CCDC178: variants seen among roughly 807,000 people sequenced by gnomAD.
CCDC178 encodes coiled-coil domain-containing protein 178.
In CCDC178, 126 loss-of-function variants were observed where a neutral mutation model predicts 117.4. The observed-to-expected ratio is 1.07, with a 90% confidence interval of 0.93 to 1.24. The LOEUF is 1.24. Ranked by LOEUF, CCDC178 falls within the 50% of genes most tolerant of loss-of-function variation. CCDC178 has a pLI of 0.00. For synonymous variants in CCDC178, 283 were observed against 313.4 expected, an observed-to-expected ratio of 0.90 and a Z score of 1.02; for missense variants, 1,030 against 986.9, an observed-to-expected ratio of 1.04 and a Z score of -0.59.
At chr18:33,084,987 C>G (rs968880093) in intron 21 of CCDC178, among the ~76,000 whole-genome samples, 2 of 152,014 alleles carry the variant, frequency 1.3e-5, no homozygotes, top group African/African-American at 4.8e-5. Flanking sequence ...TTCCTTCATT[C>G]CTTAGGGCCT....
At chr18:33,350,297 TCATAA>T (rs2062958185) in intron 7 of CCDC178, among the ~76,000 whole-genome samples, 1 of 152,116 alleles carries the variant, frequency 6.6e-6, no homozygotes, top group African/African-American at 2.4e-5. Context: ...AGCCAAAGTC[TCATAA>T]CATATTAAAC....
At chr18:33,414,738 G>C (rs1176153099) in intron 2 of CCDC178, among the ~76,000 whole-genome samples, 2 of 152,194 alleles carry the variant, frequency 1.3e-5, no homozygotes, top group African/African-American at 4.8e-5. Context: ...CACAGCAAAA[G>C]AAACTACCAT....
chr18:33,174,392 C>T (rs2058639441), intron 20 of CCDC178, among the ~76,000 whole-genome samples: 1 of 152,184 alleles, frequency 6.6e-6, no homozygotes, highest in African/African-American at 2.4e-5. Context: ...AGATCCACCA[C>T]ATTCAAAGTT....
intron 21 of CCDC178, among the ~76,000 whole-genome samples, chr18:33,031,416 A>G (rs938183734): frequency 6.6e-6 from 1 of 151,774 alleles, no homozygotes; most frequent in African/African-American, 2.4e-5. Flanking sequence ...CAGCTGCTAG[A>G]TTTATTTTCT....
chr18:33,272,349 C>A (rs2059901328), intron 12 of CCDC178, among the ~76,000 whole-genome samples: 1 of 151,408 alleles, frequency 6.6e-6, no homozygotes, highest in African/African-American at 2.4e-5. Flanking sequence ...AAAACTTACT[C>A]AAGAAGAAAC....
intron 5 of CCDC178, among the ~76,000 whole-genome samples, chr18:33,375,209 C>T (rs1599239310): frequency 1.3e-5 from 2 of 152,304 alleles, no homozygotes; most frequent in East Asian, 1.9e-4. Flanking sequence ...ACTTTTTATA[C>T]TAAAAAACAT....
At chr18:33,351,337 C>T (rs1385386098) in intron 7 of CCDC178, among the ~76,000 whole-genome samples, 4 of 151,936 alleles carry the variant, frequency 2.6e-5, no homozygotes, top group East Asian at 3.9e-4. Flanking sequence ...GGATTACAGG[C>T]GCCCGCCATC....
intron 21 of CCDC178, among the ~76,000 whole-genome samples, chr18:33,055,203 C>T (rs1254746276): frequency 6.6e-6 from 1 of 152,048 alleles, no homozygotes; most frequent in Non-Finnish European, 1.5e-5. Flanking sequence ...AAACAATTTT[C>T]TCTCATTTTG....
chr18:33,122,821 C>T (rs1240116953), intron 20 of CCDC178, among the ~76,000 whole-genome samples: 9 of 152,088 alleles, frequency 5.9e-5, no homozygotes, highest in Admixed American at 3.9e-4. Flanking sequence ...ATTGCTTTTA[C>T]GTGACTTATC....
chr18:33,041,523 A>G (rs2056549421), intron 21 of CCDC178, among the ~76,000 whole-genome samples: 1 of 151,156 alleles, frequency 6.6e-6, no homozygotes. Context: ...AAAAAGAACC[A>G]AAGTTACTAA....
At chr18:33,073,537 ATCTATCTATCTATC>A (rs1567971323) in intron 21 of CCDC178, among the ~76,000 whole-genome samples, 4 of 149,632 alleles carry the variant, frequency 2.7e-5, no homozygotes, top group Admixed American at 1.3e-4. Context: ...CTATCTATCT[ATCTATCTATCTATC>A]TATATATATA....
At chr18:33,189,465 T>C (rs2058832624) in intron 20 of CCDC178, among the ~76,000 whole-genome samples, 1 of 152,178 alleles carries the variant, frequency 6.6e-6, no homozygotes, top group African/African-American at 2.4e-5. Flanking sequence ...GTTATTTTTG[T>C]CCCATCTACT....
At chr18:33,260,431 A>G (rs926375058) in intron 14 of CCDC178, among the ~76,000 whole-genome samples, 2 of 150,644 alleles carry the variant, frequency 1.3e-5, no homozygotes, top group African/African-American at 4.9e-5. Flanking sequence ...ATTTTTAATT[A>G]TTTTTGTTAT....
intron 20 of CCDC178, among the ~76,000 whole-genome samples, chr18:33,210,442 T>G (rs905315898): frequency 1.3e-5 from 2 of 152,038 alleles, no homozygotes; most frequent in Non-Finnish European, 2.9e-5. Flanking sequence ...GAGGATGTTT[T>G]ATTCATCTCT....
intron 22 of CCDC178, among the ~76,000 whole-genome samples, chr18:32,972,340 T>G (rs7231536): frequency 0.97 from 147,263 of 152,174 alleles, 71,317 homozygotes; most frequent in Non-Finnish European, 0.99. Flanking sequence ...GATGTGTGGT[T>G]TTATTTCTGA....
chr18:33,038,098 C>A (rs533506805), intron 21 of CCDC178, among the ~76,000 whole-genome samples: 1 of 152,004 alleles, frequency 6.6e-6, no homozygotes, highest in East Asian at 1.9e-4. Flanking sequence ...ATTTTACATA[C>A]ATACAAGCAT....
intron 21 of CCDC178, among the ~76,000 whole-genome samples, chr18:33,027,876 A>G (rs2144849607): frequency 6.6e-6 from 1 of 151,800 alleles, no homozygotes; most frequent in Admixed American, 6.6e-5. Flanking sequence ...ATATTTGGGC[A>G]ACAGATTTCC....
intron 19 of CCDC178, among the ~76,000 whole-genome samples, chr18:33,213,661 T>C (rs552621608): frequency 6.6e-6 from 1 of 152,206 alleles, no homozygotes; most frequent in South Asian, 2.1e-4. Context: ...ATATACACTA[T>C]GTACGTGTAT....
At chr18:32,989,797 T>C (rs2055349596) in intron 21 of CCDC178, among the ~76,000 whole-genome samples, 1 of 152,032 alleles carries the variant, frequency 6.6e-6, no homozygotes, top group Non-Finnish European at 1.5e-5. Flanking sequence ...GCCTGAGCAA[T>C]GTAGTGAGAT....
Sources: gnomAD v4.1 joint callset for allele counts (sites outside exome capture counted in the v4.1 genomes callset) on GRCh38, gnomAD v4.1.1 for gene constraint, MANE v1.5 for transcripts, NCBI Gene and HGNC (gene_info 2026-07-23, HGNC 2026-07-21) for gene names.